Variants in CDS1 observed in about 807,000 individuals in gnomAD.
CDS1 encodes phosphatidate cytidylyltransferase 1.
CDS1 carries 41 observed loss-of-function variants against 62.1 expected under a neutral mutation model. The observed-to-expected ratio is 0.66, with a 90% CI of 0.51 to 0.86. CDS1 has a LOEUF of 0.86. Among genes scored for constraint, CDS1 ranks in the 40% least tolerant of loss-of-function variants. The probability of loss-of-function intolerance (pLI) is 0.00; values close to 1 mark genes in which losing one functional copy is unlikely to be tolerated. For missense variants in CDS1, 470 were observed against 550.1 expected, an observed-to-expected ratio of 0.85 and a Z score of 1.46; for synonymous variants, 185 against 192.6, an observed-to-expected ratio of 0.96 and a Z score of 0.32.
intron 1 of CDS1, among the ~76,000 whole-genome samples, chr4:84,598,126 CAAAA>C (rs879924741): frequency 1.2e-5 from 1 of 82,978 alleles, no homozygotes; most frequent in Non-Finnish European, 2.6e-5. Context: ...ACTCCATCTC[CAAAA>C]AAAAAAAAAA....
chr4:84,628,485 T>G (rs961869987), intron 5 of CDS1, among the ~76,000 whole-genome samples: 6 of 152,170 alleles, frequency 3.9e-5, no homozygotes, highest in African/African-American at 7.2e-5. Flanking sequence ...GTTTTTTCCT[T>G]TACTTTTCCT....
intron 1 of CDS1, among the ~76,000 whole-genome samples, chr4:84,587,274 G>T (rs2110030785): frequency 6.6e-6 from 1 of 152,198 alleles, no homozygotes; most frequent in East Asian, 1.9e-4. Context: ...CAATAAATTT[G>T]TATTCAGTTG....
At position 84,640,855 on chromosome 4, in the gene CDS1, C is replaced by A. The variant is rs750221979; in HGVS notation, c.897C>A (p.Ser299=). The change falls in exon 10 of 13, where the codon TCC becomes TCA. Residue 299 remains serine (S), a synonymous_variant. Transcript: ENST00000295887. ...AATATCAGGCTGCCTATGTGTTATC[C>A]AAATACCAGTACTTTGTCTGCCCAG... The part of the protein sequence containing the change: ...VFGFIAAYVL[S]KYQYFVCPVE... 1 of 1,593,666 alleles carries A rather than the reference C, an allele frequency of 6.3e-7. No homozygotes were observed. Among genetic ancestry groups the A allele is most frequent in the East Asian group, 2.3e-5 (1 of 44,038 alleles).
intron 8 of CDS1, 141 bp downstream of exon 8, chr4:84,635,492 CA>C: frequency 1.5e-6 from 1 of 684,074 alleles, no homozygotes; most frequent in Non-Finnish European, 2.6e-6. Flanking sequence ...GCAGAAGCAG[CA>C]AACCATATTT....
chr4:84,631,970 A>G (rs1330645674), intron 6 of CDS1, 93 bp downstream of exon 6: 1 of 798,464 alleles, frequency 1.3e-6, no homozygotes, highest in African/African-American at 1.7e-5. Context: ...CGAATCTGCT[A>G]GCTGTTGTTT....
intron 7 of CDS1, among the ~76,000 whole-genome samples, 197 bp from the exon 8 acceptor site, chr4:84,635,067 T>G (rs1724136106): frequency 6.6e-6 from 1 of 152,184 alleles, no homozygotes; most frequent in Admixed American, 6.5e-5. Flanking sequence ...TTTGCTCTGT[T>G]TAAATTGGTA....
intron 1 of CDS1, among the ~76,000 whole-genome samples, chr4:84,600,511 G>T (rs1284673728): frequency 6.6e-6 from 1 of 152,178 alleles, no homozygotes; most frequent in African/African-American, 2.4e-5. Context: ...TATCTGTGGT[G>T]TGAGGTATGG....
rs939530142 is a variant in CDS1, at chr4:84,650,527, A to C, written c.*1841A>C. 1 of 152,234 alleles carries C rather than the reference A, an allele frequency of 6.6e-6. No homozygotes were observed. Among genetic ancestry groups the C allele is most frequent in the African/African-American group, 2.4e-5 (1 of 41,456 alleles). The allele number at this position is 152,234 out of a possible 1,614,324, so 9.4% of individuals were successfully genotyped here. A position where few individuals can be genotyped will look rare whatever the true frequency, so the allele number is the denominator to read the frequency against. On this transcript the variant is annotated 3_prime_UTR_variant, in exon 13 of 13. Coordinates refer to ENST00000295887, the MANE Select transcript of CDS1 (RefSeq NM_001263.4). ...AAATGAAAATTTTATAAGAACTTAC[A>C]TTAAAAACTCAGTAGTTTGCATGAG...
intron 3 of CDS1, among the ~76,000 whole-genome samples, chr4:84,611,813 G>T (rs1723332980): frequency 6.6e-6 from 1 of 152,212 alleles, no homozygotes; most frequent in Non-Finnish European, 1.5e-5. Flanking sequence ...AAGTGGGCAG[G>T]CGTGGGAAAT....
rs759091263 is a variant in CDS1, at chr4:84,635,321, A to AT, written c.789dup (p.Gly264TrpfsTer7). 3.8e-4 allele frequency: 591 copies of AT among 1,542,654 alleles called. No homozygotes were observed. Among genetic ancestry groups the AT allele is most frequent in the Non-Finnish European group, 4.3e-4 (490 of 1,132,336 alleles). ...ATGACATAACTGCTTACCTTTTTGG[A>AT]TTTTTTTTTGGGAGAACTCCATTAA... is the stretch of plus-strand genomic sequence containing the variant. On this transcript the variant is annotated frameshift_variant, in exon 8 of 13. Transcript: ENST00000295887. LOFTEE classifies it high-confidence loss of function.
chr4:84,637,972 G>A (rs181852751), intron 8 of CDS1, among the ~76,000 whole-genome samples: 1 of 152,230 alleles, frequency 6.6e-6, no homozygotes, highest in Non-Finnish European at 1.5e-5. Context: ...AACTGTTTTG[G>A]TTTGGGGCTT....
chr4:84,632,026 T>C (rs1239894165), intron 6 of CDS1, 149 bp downstream of exon 6: 5 of 486,374 alleles, frequency 1.0e-5, no homozygotes, highest in African/African-American at 2.0e-5. Context: ...CCATTAGATA[T>C]AAACTATTAA....
intron 5 of CDS1, among the ~76,000 whole-genome samples, chr4:84,626,745 G>A (rs949671634): frequency 6.6e-6 from 1 of 152,190 alleles, no homozygotes. Context: ...CACCCATGGT[G>A]TACCTCTCTT....
intron 5 of CDS1, among the ~76,000 whole-genome samples, chr4:84,625,193 A>ATTTC (rs1246892316): frequency 1.3e-5 from 2 of 152,076 alleles, no homozygotes; most frequent in Non-Finnish European, 2.9e-5. Flanking sequence ...CCGTATACTT[A>ATTTC]TTTCTGCCAT....
At chr4:84,619,251 G>A (rs1366333088) in intron 4 of CDS1, 143 bp from the exon 5 acceptor site, 2 of 444,490 alleles carry the variant, frequency 4.5e-6, no homozygotes, top group Non-Finnish European at 7.8e-6. Flanking sequence ...CAGGAAAATA[G>A]CATTTTGGTA....
intron 1 of CDS1, among the ~76,000 whole-genome samples, chr4:84,601,310 T>C (rs1465151362): frequency 6.6e-6 from 1 of 151,998 alleles, no homozygotes; most frequent in African/African-American, 2.4e-5. Context: ...CCTGAGTAAT[T>C]GGTTAACTGG....
At chr4:84,610,893 C>T (rs1406507736) in intron 3 of CDS1, among the ~76,000 whole-genome samples, 4 of 152,260 alleles carry the variant, frequency 2.6e-5, no homozygotes, top group South Asian at 2.1e-4. Flanking sequence ...GGCACAACAA[C>T]GAAATTGCCT....
intron 5 of CDS1, among the ~76,000 whole-genome samples, chr4:84,620,424 G>A (rs1207948214): frequency 3.3e-5 from 5 of 151,408 alleles, no homozygotes; most frequent in South Asian, 2.1e-4. Context: ...GGGTTTCACC[G>A]TGTTAGCCAG....
At chr4:84,597,609 A>C (rs1021972398) in intron 1 of CDS1, among the ~76,000 whole-genome samples, 2 of 152,006 alleles carry the variant, frequency 1.3e-5, no homozygotes. Flanking sequence ...CTGCACTCCA[A>C]CCTGGGTGAC....
Sources: gnomAD v4.1 joint callset for allele counts (sites outside exome capture counted in the v4.1 genomes callset) on GRCh38, gnomAD v4.1.1 for gene constraint, MANE v1.5 for transcripts, NCBI Gene and HGNC (gene_info 2026-07-23, HGNC 2026-07-21) for gene names.